The following LOC400499 variants were observed in gnomAD, a reference collection of about 807,000 sequenced individuals.
At chr16:11,504,559 C>A in the LOC400499 span, among the ~76,000 whole-genome samples, 72 of 140,670 alleles carry the variant, frequency 5.1e-4, no homozygotes, top group South Asian at 1.1e-3. Flanking sequence ...CCGTCCCCCC[C>A]CCCAAAAAAA....
At chr16:11,419,453 G>T in the LOC400499 span, among the ~76,000 whole-genome samples, 1 of 150,654 alleles carries the variant, frequency 6.6e-6, no homozygotes, top group South Asian at 2.1e-4. Flanking sequence ...ATTAATTCAA[G>T]ATGGATTAAA....
chr16:11,400,593 A>G, the LOC400499 span, among the ~76,000 whole-genome samples: 7 of 151,606 alleles, frequency 4.6e-5, no homozygotes, highest in Non-Finnish European at 1.0e-4. Context: ...GGCACACACC[A>G]CCACACCCAG....
the LOC400499 span, among the ~76,000 whole-genome samples, chr16:11,420,603 C>A: frequency 2.3e-5 from 2 of 85,722 alleles, no homozygotes; most frequent in East Asian, 2.7e-4. Context: ...ATAAACCCCC[C>A]CCCCCGGAAA....
chr16:11,434,989 A>G, the LOC400499 span, among the ~76,000 whole-genome samples: 1 of 152,162 alleles, frequency 6.6e-6, no homozygotes. Flanking sequence ...TATTATTACT[A>G]TTTTAGAGTC....
the LOC400499 span, among the ~76,000 whole-genome samples, chr16:11,508,459 G>T: frequency 2.7e-5 from 4 of 149,474 alleles, no homozygotes; most frequent in Non-Finnish European, 6.0e-5. Flanking sequence ...TGTGCTCGTA[G>T]ACAGACAGAG....
chr16:11,385,765 C>T, the LOC400499 span, among the ~76,000 whole-genome samples: 1,613 of 152,314 alleles, frequency 0.011, 35 homozygotes, highest in African/African-American at 0.036. Context: ...GGACAGAAGG[C>T]AGATTGGTGG....
the LOC400499 span, among the ~76,000 whole-genome samples, chr16:11,377,857 G>A: frequency 1.3e-5 from 2 of 152,176 alleles, no homozygotes; most frequent in African/African-American, 4.8e-5. Flanking sequence ...AAGAATATGA[G>A]CAGGATTGGT....
chr16:11,521,924 G>A, the LOC400499 span: 1 of 399,022 alleles, frequency 2.5e-6, no homozygotes, highest in Non-Finnish European at 4.4e-6. Context: ...GCATCAACGT[G>A]ATCTCCCGGT....
the LOC400499 span, among the ~76,000 whole-genome samples, chr16:11,500,137 G>A: frequency 2.0e-5 from 3 of 152,170 alleles, no homozygotes; most frequent in East Asian, 3.9e-4. Context: ...CAGACACCAG[G>A]AGAACCACTT....
the LOC400499 span, among the ~76,000 whole-genome samples, chr16:11,512,027 G>C: frequency 6.6e-6 from 1 of 151,554 alleles, no homozygotes; most frequent in Non-Finnish European, 1.5e-5. Flanking sequence ...GGTGGCTCAT[G>C]TTTGTAATCC....
the LOC400499 span, chr16:11,519,102 C>T: frequency 2.5e-6 from 1 of 396,930 alleles, no homozygotes. Flanking sequence ...GGCAGAGAGA[C>T]CCCTCCCTTG....
chr16:11,438,598 C>CCACCTCTAATTTTTT, the LOC400499 span, among the ~76,000 whole-genome samples: 1 of 133,368 alleles, frequency 7.5e-6, no homozygotes, highest in Non-Finnish European at 1.5e-5. Context: ...TAGCGAGACC[C>CCACCTCTAATTTTTT]TGTCTCTGCA....
chr16:11,513,379 C>G, the LOC400499 span, among the ~76,000 whole-genome samples: 1 of 134,100 alleles, frequency 7.5e-6, no homozygotes, highest in Admixed American at 9.0e-5. Context: ...GCTCTCCAGC[C>G]TGGGCAACAG....
At chr16:11,400,674 C>T in the LOC400499 span, among the ~76,000 whole-genome samples, 1 of 152,142 alleles carries the variant, frequency 6.6e-6, no homozygotes, top group South Asian at 2.1e-4. Flanking sequence ...TTCTTGGCCT[C>T]AAGTGATCCA....
chr16:11,512,796 G>A, the LOC400499 span, among the ~76,000 whole-genome samples: 1 of 152,108 alleles, frequency 6.6e-6, no homozygotes, highest in East Asian at 1.9e-4. Context: ...ACTGGGTCCT[G>A]GCAAGCCTGG....
At chr16:11,504,528 C>A in the LOC400499 span, among the ~76,000 whole-genome samples, 1 of 151,962 alleles carries the variant, frequency 6.6e-6, no homozygotes, top group Non-Finnish European at 1.5e-5. Context: ...CACTTTCCAG[C>A]CTGAGCAACA....
At chr16:11,385,057 C>T in the LOC400499 span, 2 of 1,232,126 alleles carry the variant, frequency 1.6e-6, no homozygotes, top group Non-Finnish European at 2.0e-6. Flanking sequence ...AGTTGTACAG[C>T]CTGTAGGCCT....
At chr16:11,509,288 T>G in the LOC400499 span, among the ~76,000 whole-genome samples, 1 of 151,380 alleles carries the variant, frequency 6.6e-6, no homozygotes, top group South Asian at 2.1e-4. Context: ...CGGCTAATTT[T>G]TTTGTATTTT....
chr16:11,437,625 T>C, the LOC400499 span, among the ~76,000 whole-genome samples: 1 of 152,116 alleles, frequency 6.6e-6, no homozygotes, highest in African/African-American at 2.4e-5. Context: ...CCCAGAACTT[T>C]GGAAGGCTGG....
Sources: gnomAD v4.1 joint callset for allele counts (sites outside exome capture counted in the v4.1 genomes callset) on GRCh38, gnomAD v4.1.1 for gene constraint, MANE v1.5 for transcripts.